The following SLC30A6 variants were observed in gnomAD, a reference collection of about 807,000 sequenced individuals.
SLC30A6 encodes the protein solute carrier family 30 member 6.
Under a neutral mutation model 63.0 loss-of-function variants are expected in SLC30A6, and 55 were observed. The observed-to-expected ratio is 0.87, with a 90% CI of 0.70 to 1.09. The LOEUF (loss-of-function observed/expected upper bound fraction) is 1.09. Ranked by LOEUF, SLC30A6 falls within the 50% of genes least tolerant of loss-of-function variation. SLC30A6 has a pLI of 0.00. For synonymous variants in SLC30A6, 224 were observed against 186.1 expected, an observed-to-expected ratio of 1.20 and a Z score of -1.66; for missense variants, 587 against 549.2, an observed-to-expected ratio of 1.07 and a Z score of -0.69.
chr2:32,190,048 A>G (rs2148847074), intron 5 of SLC30A6, among the ~76,000 whole-genome samples: 1 of 152,292 alleles, frequency 6.6e-6, no homozygotes, highest in Middle Eastern at 3.4e-3. Flanking sequence ...GCTTGTAAAA[A>G]TCTTTTAACC....
intron 13 of SLC30A6, among the ~76,000 whole-genome samples, chr2:32,218,374 A>C (rs1042696261): frequency 6.6e-6 from 1 of 152,230 alleles, no homozygotes; most frequent in Admixed American, 6.5e-5. Flanking sequence ...ATCCCTTAGA[A>C]GCCTTGATAT....
chr2:32,211,646 C>T (rs1186313426), intron 13 of SLC30A6, among the ~76,000 whole-genome samples: 1 of 151,860 alleles, frequency 6.6e-6, no homozygotes. Flanking sequence ...GAGACGGAGT[C>T]TTGCTCTGTC....
intron 13 of SLC30A6, among the ~76,000 whole-genome samples, chr2:32,215,867 A>ATTT (rs68057873): frequency 0.6 from 91,215 of 150,844 alleles, 27,748 homozygotes; most frequent in Admixed American, 0.64. Flanking sequence ...TGGCTAATTT[A>ATTT]TTTTTTATAA....
chr2:32,169,271 C>G (rs144671183), intron 1 of SLC30A6, among the ~76,000 whole-genome samples: 5 of 152,202 alleles, frequency 3.3e-5, no homozygotes, highest in African/African-American at 1.2e-4. Flanking sequence ...CGGGCTCATG[C>G]GATCCTTCCA....
intron 13 of SLC30A6, among the ~76,000 whole-genome samples, chr2:32,215,491 G>A (rs1407053969): frequency 3.5e-5 from 5 of 144,708 alleles, no homozygotes. Context: ...TACCATGCCT[G>A]GCCATCTATT....
At position 32,223,034 on chromosome 2, in the gene SLC30A6, AG is replaced by A. The variant is rs1205317321; in HGVS notation, c.*2323del. 1 of 152,238 alleles carries A rather than the reference AG, an allele frequency of 6.6e-6. No individual in the cohort carries two copies. 9.4% of individuals were successfully genotyped at this position (152,238 alleles called of 1,614,324 possible). A position where few individuals can be genotyped will look rare whatever the true frequency, so the allele number is the denominator to read the frequency against. On this transcript the variant is annotated 3_prime_UTR_variant, in exon 14 of 14. Coordinates refer to ENST00000282587, the MANE Select transcript of SLC30A6 (RefSeq NM_017964.5). The stretch of plus-strand genomic sequence containing the variant: ...AATACCTACCTTCACTATTTGAGAA[AG>A]GACACTCACAGTTGCCTGTGGGTTA...
chr2:32,203,139 G>T, intron 10 of SLC30A6: 1 of 1,268,536 alleles, frequency 7.9e-7, no homozygotes, highest in Non-Finnish European at 1.2e-6. Flanking sequence ...GGCAACCAAC[G>T]TGGCTGCCTG....
chr2:32,212,682 C>T (rs889328522), intron 13 of SLC30A6, among the ~76,000 whole-genome samples: 10 of 148,400 alleles, frequency 6.7e-5, no homozygotes, highest in Non-Finnish European at 1.2e-4. Flanking sequence ...CTGCAACCTC[C>T]GCCTCCCAGG....
chr2:32,184,323 C>A lies in SLC30A6; in HGVS notation c.269C>A (p.Pro90His). The A allele has an allele frequency of 6.7e-7, 1 of 1,503,414 alleles. No homozygotes were observed. 93.1% of individuals were successfully genotyped at this position (1,503,414 alleles called of 1,614,324 possible). A position where few individuals can be genotyped will look rare whatever the true frequency, so the allele number is the denominator to read the frequency against. The change falls in exon 5 of 14, where the codon CCT becomes CAT. Residue 90 changes from proline to histidine, a missense_variant. Pro to His is a moderately conservative substitution (Grantham distance 77). Coordinates refer to ENST00000282587, the MANE Select transcript of SLC30A6 (RefSeq NM_017964.5). ...SYWVTLRKPS[P>H]VYSFGFERLE... ...TGGGTAACATTGAGGAAACCTAGCCCTGTCTATTCATTTGGGTAAGTTCAA... is the reference window on the plus strand; with the variant it reads ...TGGGTAACATTGAGGAAACCTAGCCATGTCTATTCATTTGGGTAAGTTCAA...
intron 8 of SLC30A6, among the ~76,000 whole-genome samples, chr2:32,195,687 A>G (rs1373281697): frequency 1.3e-5 from 2 of 148,512 alleles, no homozygotes; most frequent in East Asian, 3.9e-4. Flanking sequence ...TATTTTTATT[A>G]TATTATATTA....
intron 8 of SLC30A6, among the ~76,000 whole-genome samples, chr2:32,195,835 C>G (rs2148862091): frequency 6.6e-6 from 1 of 152,230 alleles, no homozygotes; most frequent in South Asian, 2.1e-4. Context: ...AGCCACTGCT[C>G]CCAGCCTACT....
intron 10 of SLC30A6, chr2:32,203,197 C>A: frequency 8.6e-7 from 1 of 1,161,386 alleles, no homozygotes; most frequent in Non-Finnish European, 1.3e-6. Flanking sequence ...GGTTCTCCTC[C>A]TCAGGATGTT....
In SLC30A6 at chr2:32,220,562, G is replaced by T. The variant is rs767372918; in HGVS notation, c.1235G>T (p.Gly412Val). ...ACACAAACAAGGCCTTATGGTTTTG[G>T]TCTCAATCATGGACACACACCTTAC... ...LNTQTRPYGF[G>V]LNHGHTPYSS... The change falls in exon 14 of 14, where the codon GGT becomes GTT. Residue 412 changes from glycine (G) to valine (V), a missense_variant. Gly to Val is a moderately radical substitution (Grantham distance 109). Coordinates refer to ENST00000282587, the MANE Select transcript of SLC30A6 (RefSeq NM_017964.5). 6.2e-7 allele frequency: 1 copy of T among 1,614,146 alleles called. No individual in the cohort carries two copies. The highest frequency in any genetic ancestry group is 8.5e-7 in the Non-Finnish European group (1 of 1,180,032).
At chr2:32,188,036 C>T (rs1008184466) in intron 5 of SLC30A6, among the ~76,000 whole-genome samples, 3 of 152,210 alleles carry the variant, frequency 2.0e-5, no homozygotes, top group Non-Finnish European at 2.9e-5. Flanking sequence ...AATCCTAACT[C>T]CTTTTTCTAA....
intron 13 of SLC30A6, among the ~76,000 whole-genome samples, chr2:32,210,862 G>T (rs1685200594): frequency 1.3e-5 from 2 of 152,124 alleles, no homozygotes; most frequent in East Asian, 3.9e-4. Context: ...AGAAAAACTT[G>T]AGACTGTAAC....
In SLC30A6 at chr2:32,165,894, C is replaced by G. The variant is rs564582307; in HGVS notation, c.-7C>G. The G allele has an allele frequency of 6.6e-5, 107 of 1,614,004 alleles. 1 individual carries two copies. In the South Asian group the frequency reaches 9.2e-4, roughly 14 times the overall value. On this transcript the variant is annotated 5_prime_UTR_variant, in exon 1 of 14. Coordinates refer to ENST00000282587, the MANE Select transcript of SLC30A6 (RefSeq NM_017964.5). ...GGCTTCCGGCGGGAGCTGTGCAGCTCCTTATCATGGTGAGTTGGCTGTTGG... is the reference window on the plus strand; with the variant it reads ...GGCTTCCGGCGGGAGCTGTGCAGCTGCTTATCATGGTGAGTTGGCTGTTGG...
intron 5 of SLC30A6, among the ~76,000 whole-genome samples, chr2:32,191,764 C>T (rs942692831): frequency 6.6e-6 from 1 of 152,016 alleles, no homozygotes; most frequent in African/African-American, 2.4e-5. Context: ...GTGGCACATG[C>T]CTGTAGTCCC....
At chr2:32,182,065 C>G (rs1056482610) in intron 4 of SLC30A6, among the ~76,000 whole-genome samples, 3 of 151,084 alleles carry the variant, frequency 2.0e-5, no homozygotes, top group Non-Finnish European at 1.5e-5. Flanking sequence ...TCTGGGGTAG[C>G]TGGGACTACA....
rs781170014 is a variant in SLC30A6, at chr2:32,165,890, A to G, written c.-11A>G. 1.9e-6 allele frequency: 3 copies of G among 1,614,124 alleles called. No homozygotes were observed. The highest frequency in any genetic ancestry group is 2.2e-5 in the East Asian group (1 of 44,872). The stretch of plus-strand genomic sequence containing the variant: ...GAACGGCTTCCGGCGGGAGCTGTGC[A>G]GCTCCTTATCATGGTGAGTTGGCTG... On this transcript the variant is annotated 5_prime_UTR_variant, in exon 1 of 14. Coordinates refer to ENST00000282587, the MANE Select transcript of SLC30A6 (RefSeq NM_017964.5).
Sources: gnomAD v4.1 joint callset for allele counts (sites outside exome capture counted in the v4.1 genomes callset) on GRCh38, gnomAD v4.1.1 for gene constraint, MANE v1.5 for transcripts, NCBI Gene and HGNC (gene_info 2026-07-23, HGNC 2026-07-21) for gene names.